The following TCF7L1 variants were observed in gnomAD, a reference collection of about 807,000 sequenced individuals.
The protein encoded by TCF7L1 is transcription factor 7-like 1.
Under a neutral mutation model 63.7 loss-of-function variants are expected in TCF7L1, and 18 were observed. The ratio of observed to expected loss-of-function variants is 0.28; its 90% CI spans 0.20 to 0.42. The LOEUF (loss-of-function observed/expected upper bound fraction) is 0.42. Among genes scored for constraint, TCF7L1 ranks in the 10% least tolerant of loss-of-function variants. TCF7L1 has a pLI of 1.00. For synonymous variants in TCF7L1, 355 were observed against 340.9 expected, an observed-to-expected ratio of 1.04 and a Z score of -0.46; for missense variants, 654 against 779.3, an observed-to-expected ratio of 0.84 and a Z score of 1.91.
chr2:85,308,389 CTCCCATTCTCCTTCCCTCCCTTTCCCCT>C, intron 11 of TCF7L1, among the ~76,000 whole-genome samples: 1 of 146,086 alleles, frequency 6.8e-6, no homozygotes, highest in African/African-American at 2.7e-5. Flanking sequence ...TTCACCTTCC[CTCCCATTCTCCTTCCCTCCCTTTCCCCT>C]TCCCTCCCTC....
intron 3 of TCF7L1, among the ~76,000 whole-genome samples, chr2:85,184,794 G>A (rs887800929): frequency 4.6e-5 from 7 of 152,280 alleles, no homozygotes; most frequent in East Asian, 1.9e-4. Context: ...GGAAACTAAC[G>A]GCTGTGCTCC....
At chr2:85,162,668 T>C (rs917483829) in intron 3 of TCF7L1, among the ~76,000 whole-genome samples, 7 of 151,992 alleles carry the variant, frequency 4.6e-5, no homozygotes, top group African/African-American at 1.7e-4. Context: ...GCCTTGGGGG[T>C]GTTTGAGCCT....
At chr2:85,304,880 CGG>C (rs1558662265) in intron 7 of TCF7L1, among the ~76,000 whole-genome samples, 1 of 152,100 alleles carries the variant, frequency 6.6e-6, no homozygotes, top group Non-Finnish European at 1.5e-5. Context: ...GGAGAGGAGA[CGG>C]TGAAAGGGGA....
At chr2:85,220,456 C>T (rs1036505289) in intron 3 of TCF7L1, among the ~76,000 whole-genome samples, 2 of 152,104 alleles carry the variant, frequency 1.3e-5, no homozygotes, top group African/African-American at 4.8e-5. Context: ...GCAACCTCCT[C>T]CCAGGTTGAA....
intron 4 of TCF7L1, among the ~76,000 whole-genome samples, chr2:85,284,811 T>C (rs1271660417): frequency 2.0e-5 from 3 of 152,208 alleles, no homozygotes; most frequent in Admixed American, 6.5e-5. Flanking sequence ...CAGAAAATTT[T>C]AAAGATGTAT....
intron 3 of TCF7L1, among the ~76,000 whole-genome samples, chr2:85,135,226 T>C (rs762894570): frequency 6.6e-6 from 1 of 152,070 alleles, no homozygotes; most frequent in Non-Finnish European, 1.5e-5. Context: ...TCTCTCTGGC[T>C]CTAAACTCCC....
chr2:85,268,790 G>A lies in TCF7L1; in HGVS notation c.442-14705G>A, dbSNP rs768375441. On this transcript the variant is annotated intron_variant, in intron 3 of 11. Coordinates refer to ENST00000282111, the MANE Select transcript of TCF7L1 (RefSeq NM_031283.3). The stretch of plus-strand genomic sequence containing the variant: ...GTTAAAAAAAAAAAAAAAAAGATTG[G>A]ATGCCTATCCCCAAAGAGCTTAGGG... Among the ~76,000 whole-genome samples, 633 of 150,818 alleles carry A rather than the reference G, an allele frequency of 4.2e-3. 4 individuals are homozygous for A. Among genetic ancestry groups the A allele is most frequent in the Non-Finnish European group, 6.7e-3 (455 of 67,812 alleles).
intron 3 of TCF7L1, among the ~76,000 whole-genome samples, chr2:85,178,495 G>A (rs901063773): frequency 1.3e-5 from 2 of 152,206 alleles, no homozygotes; most frequent in Non-Finnish European, 2.9e-5. Context: ...GAAGGAGCAG[G>A]GTGGCAGGGG....
chr2:85,189,658 G>A (rs1290439717), intron 3 of TCF7L1, among the ~76,000 whole-genome samples: 7 of 152,202 alleles, frequency 4.6e-5, no homozygotes, highest in South Asian at 4.1e-4. Context: ...CTCCCTTCCC[G>A]TGGGCAAACC....
chr2:85,309,465 TC>T lies in TCF7L1; in HGVS notation c.*9del. Reference sequence around the variant, plus strand: ...TGGTCACCAAGTCTGCCCACTAAGCTCCCCCCGACCCCTGCAGGCTGTCACA... The same window carrying T: ...TGGTCACCAAGTCTGCCCACTAAGCTCCCCCGACCCCTGCAGGCTGTCACA... On this transcript the variant is annotated 3_prime_UTR_variant, in exon 12 of 12. Coordinates refer to ENST00000282111, the MANE Select transcript of TCF7L1 (RefSeq NM_031283.3). 1.3e-6 allele frequency: 2 copies of T among 1,515,538 alleles called. No homozygotes were observed. The highest frequency in any genetic ancestry group is 1.8e-6 in the Non-Finnish European group (2 of 1,132,974). The allele number at this position is 1,515,538 out of a possible 1,614,324, so 93.9% of individuals were successfully genotyped here.
intron 3 of TCF7L1, among the ~76,000 whole-genome samples, chr2:85,258,740 C>G (rs1420859917): frequency 6.6e-6 from 1 of 152,210 alleles, no homozygotes; most frequent in Non-Finnish European, 1.5e-5. Context: ...CCAAACCCTG[C>G]AGATATTGGG....
At chr2:85,142,232 G>A (rs1332568713) in intron 3 of TCF7L1, among the ~76,000 whole-genome samples, 3 of 152,094 alleles carry the variant, frequency 2.0e-5, no homozygotes, top group Admixed American at 6.6e-5. Flanking sequence ...TTCGAGAGCA[G>A]CCTGGGCAAT....
chr2:85,252,728 A>G (rs1680624873), intron 3 of TCF7L1, among the ~76,000 whole-genome samples: 1 of 152,318 alleles, frequency 6.6e-6, no homozygotes, highest in East Asian at 1.9e-4. Flanking sequence ...CCCCTACCAC[A>G]AGCTCCCCGA....
chr2:85,156,924 T>C (rs1678161167), intron 3 of TCF7L1, among the ~76,000 whole-genome samples: 13 of 152,174 alleles, frequency 8.5e-5, no homozygotes, highest in Admixed American at 8.5e-4. Context: ...TGGGTGGGGC[T>C]GGGGGCACAT....
intron 3 of TCF7L1, among the ~76,000 whole-genome samples, chr2:85,185,699 A>T (rs1678902496): frequency 6.6e-6 from 1 of 152,028 alleles, no homozygotes; most frequent in African/African-American, 2.4e-5. Context: ...CACTCTGCTG[A>T]GGTTGTGGCA....
At chr2:85,209,029 G>A (rs559991474) in intron 3 of TCF7L1, among the ~76,000 whole-genome samples, 17 of 152,268 alleles carry the variant, frequency 1.1e-4, no homozygotes, top group Admixed American at 9.8e-4. Context: ...TCTGAAAGGC[G>A]CCACATTAAA....
chr2:85,201,356 A>ATGTTT (rs1206915270), intron 3 of TCF7L1, among the ~76,000 whole-genome samples: 2 of 152,236 alleles, frequency 1.3e-5, no homozygotes, highest in African/African-American at 2.4e-5. Flanking sequence ...AAAAGTTTTG[A>ATGTTT]TAAATTTTAA....
chr2:85,185,959 G>GGT (rs1678911326), intron 3 of TCF7L1, among the ~76,000 whole-genome samples: 1 of 135,518 alleles, frequency 7.4e-6, no homozygotes, highest in Non-Finnish European at 1.5e-5. Flanking sequence ...CAACACAGGG[G>GGT]ATTTTTTTTT....
intron 3 of TCF7L1, among the ~76,000 whole-genome samples, chr2:85,164,841 G>C (rs1204861306): frequency 6.6e-6 from 1 of 152,206 alleles, no homozygotes; most frequent in Non-Finnish European, 1.5e-5. Context: ...CAGTGTGGTA[G>C]AGTCATTGTA....
Sources: gnomAD v4.1 joint callset for allele counts (sites outside exome capture counted in the v4.1 genomes callset) on GRCh38, gnomAD v4.1.1 for gene constraint, MANE v1.5 for transcripts, NCBI Gene and HGNC (gene_info 2026-07-23, HGNC 2026-07-21) for gene names.